Variants in ADGRD1 observed in about 807,000 individuals in gnomAD.
The protein encoded by ADGRD1 is adhesion G protein-coupled receptor D1.
A neutral mutation model predicts 113.4 loss-of-function variants in ADGRD1; 77 were observed. The observed-to-expected ratio is 0.68, with a 90% CI of 0.57 to 0.82. The LOEUF is 0.82. ADGRD1 is among the 40% of genes least tolerant of loss of function. The pLI, the probability that ADGRD1 is intolerant of heterozygous loss-of-function variation, is 0.00. For missense variants in ADGRD1, 1,036 were observed against 1,139.1 expected, an observed-to-expected ratio of 0.91 and a Z score of 1.30; for synonymous variants, 474 against 475.0, an observed-to-expected ratio of 1.00 and a Z score of 0.03.
Position 131,139,772 on chromosome 12 carries a change from C to T in ADGRD1, c.*509C>T, listed in dbSNP as rs1169853873. On this transcript the variant is annotated 3_prime_UTR_variant, in exon 25 of 25. Transcript: ENST00000261654. ...GCGGAGTCCCCAGTGTCTGAATCCACTGAGTGGTGAGTTCCCCACAGCCGG... is the reference window on the plus strand; with the variant it reads ...GCGGAGTCCCCAGTGTCTGAATCCATTGAGTGGTGAGTTCCCCACAGCCGG... 1 of 153,680 alleles carries T rather than the reference C, an allele frequency of 6.5e-6. No homozygotes were observed. The highest frequency in any genetic ancestry group is 1.4e-5 in the Non-Finnish European group (1 of 69,056). The allele number at this position is 153,680 out of a possible 1,614,324, so 9.5% of individuals were successfully genotyped here. A position where few individuals can be genotyped will look rare whatever the true frequency, so the allele number is the denominator to read the frequency against.
At chr12:131,127,813 GGTGTTGGTT>G (rs1234864942) in intron 20 of ADGRD1, among the ~76,000 whole-genome samples, 1 of 141,472 alleles carries the variant, frequency 7.1e-6, no homozygotes, top group Non-Finnish European at 1.5e-5. Flanking sequence ...GCTCAGGTGA[GGTGTTGGTT>G]GTGTTGGTTG....
chr12:131,077,472 A>G (rs764101669), intron 14 of ADGRD1, among the ~76,000 whole-genome samples: 25 of 152,052 alleles, frequency 1.6e-4, no homozygotes, highest in Non-Finnish European at 3.2e-4. Context: ...GCTCGCCTCC[A>G]CGGCTCACCT....
At chr12:131,122,544 C>T (rs937550802) in intron 20 of ADGRD1, among the ~76,000 whole-genome samples, 2 of 151,786 alleles carry the variant, frequency 1.3e-5, no homozygotes, top group African/African-American at 4.9e-5. Flanking sequence ...TGCCAACCAA[C>T]ATGCAAAAAC....
At chr12:131,014,450 G>A (rs1195923) in intron 13 of ADGRD1, 110 bp downstream of exon 13, 546,898 of 992,708 alleles carry the variant, frequency 0.55, 154,958 homozygotes, top group East Asian at 0.78. Flanking sequence ...CCTTGGTGCC[G>A]GCCCGAACTG....
At chr12:131,126,553 GTTTA>G (rs1950741651) in intron 20 of ADGRD1, among the ~76,000 whole-genome samples, 1 of 152,188 alleles carries the variant, frequency 6.6e-6, no homozygotes, top group Non-Finnish European at 1.5e-5. Flanking sequence ...CCAGCTCAGT[GTTTA>G]TTCACAAATC....
In ADGRD1 at chr12:131,027,386, T is replaced by C. The variant is rs1024991748; in HGVS notation, c.1473+13046T>C. 1.3e-5 allele frequency: 2 copies of C among 152,180 alleles called. No homozygotes were observed. Among genetic ancestry groups the C allele is most frequent in the African/African-American group, 4.8e-5 (2 of 41,442 alleles). 9.4% of individuals were successfully genotyped at this position (152,180 alleles called of 1,614,324 possible). A position where few individuals can be genotyped will look rare whatever the true frequency, so the allele number is the denominator to read the frequency against. ...GCAGCTTCAGTTTTTAAATTTACCA[T>C]GTCTATATTTCCGTGCCAGTAGCTC... On this transcript the variant is annotated intron_variant, in intron 13 of 24. Coordinates refer to ENST00000261654, the MANE Select transcript of ADGRD1 (RefSeq NM_198827.5). The surrounding 1 kb of genome is among the most constrained non-coding windows in gnomAD (Gnocchi z 5.1).
intron 2 of ADGRD1, chr12:130,956,241 C>T (rs896884833): frequency 6.6e-6 from 1 of 152,296 alleles, no homozygotes; most frequent in Non-Finnish European, 1.5e-5. Context: ...GTGCCCTCAG[C>T]CTCTGTCTCC....
intron 13 of ADGRD1, among the ~76,000 whole-genome samples, chr12:131,031,068 G>C (rs1157326323): frequency 6.6e-6 from 1 of 152,176 alleles, no homozygotes; most frequent in African/African-American, 2.4e-5. Context: ...CGCAGGAAGG[G>C]CAACACCTCA....
At chr12:131,102,252 G>A (rs920619575) in intron 15 of ADGRD1, among the ~76,000 whole-genome samples, 5 of 152,190 alleles carry the variant, frequency 3.3e-5, no homozygotes, top group African/African-American at 7.2e-5. Flanking sequence ...CACCCACCGC[G>A]GCTATGCGAT....
Position 130,954,616 on chromosome 12 carries a change from G to A in ADGRD1, c.67-8G>A, listed in dbSNP as rs528913318. ...AGTGTGTCTCACACTGTGGTCTTTTGTGCGCAGGTGCGTGGCGTCTACTCC... is the reference window on the plus strand; with the variant it reads ...AGTGTGTCTCACACTGTGGTCTTTTATGCGCAGGTGCGTGGCGTCTACTCC... On this transcript the variant is annotated splice_region_variant and splice_polypyrimidine_tract_variant and intron_variant, in intron 1 of 24. Coordinates refer to ENST00000261654, the MANE Select transcript of ADGRD1 (RefSeq NM_198827.5). This position sits in a 1 kb window ranked among gnomAD's most constrained non-coding sequence, Gnocchi z 4.7. 6.2e-6 allele frequency: 10 copies of A among 1,613,994 alleles called. No individual in the cohort carries two copies. The South Asian group carries it at 1.1e-4, about 18-fold the overall frequency.
intron 14 of ADGRD1, among the ~76,000 whole-genome samples, chr12:131,077,842 A>G (rs1305465733): frequency 7.9e-5 from 12 of 152,160 alleles, no homozygotes; most frequent in Admixed American, 7.9e-4. Context: ...GGCTCAAGCA[A>G]TCCTTCCGCC....
At chr12:131,051,678 G>A (rs1410273836) in intron 13 of ADGRD1, among the ~76,000 whole-genome samples, 1 of 152,068 alleles carries the variant, frequency 6.6e-6, no homozygotes, top group Non-Finnish European at 1.5e-5. Context: ...TAGAGGCGGG[G>A]TTTTACCATG....
chr12:131,036,096 A>G (rs1013251481), intron 13 of ADGRD1, among the ~76,000 whole-genome samples: 79 of 152,156 alleles, frequency 5.2e-4, no homozygotes, highest in Admixed American at 2.4e-3. Context: ...GCCCCTTTAT[A>G]TCAGGCCCCT....
intron 19 of ADGRD1, 124 bp downstream of exon 19, chr12:131,118,575 C>A: frequency 1.5e-6 from 1 of 654,352 alleles, no homozygotes; most frequent in South Asian, 2.2e-5. Context: ...AGCTGGCTCC[C>A]ACAGGCCCAG....
intron 13 of ADGRD1, among the ~76,000 whole-genome samples, chr12:131,059,424 G>T (rs1884135502): frequency 6.6e-6 from 1 of 152,138 alleles, no homozygotes; most frequent in Non-Finnish European, 1.5e-5. Context: ...TAAGTGATCT[G>T]CCCCCCTCGG....
At chr12:131,087,054 T>C (rs1886516370) in intron 15 of ADGRD1, among the ~76,000 whole-genome samples, 1 of 152,114 alleles carries the variant, frequency 6.6e-6, no homozygotes, top group Admixed American at 6.5e-5. Context: ...TACAGGCACA[T>C]GCCACAACGC....
chr12:131,058,544 A>AT (rs1884066756), intron 13 of ADGRD1, among the ~76,000 whole-genome samples: 1 of 152,076 alleles, frequency 6.6e-6, no homozygotes, highest in African/African-American at 2.4e-5. Context: ...TACTTTAGAC[A>AT]TTTTTTATGT....
At chr12:131,043,444 C>A (rs1013537520) in intron 13 of ADGRD1, among the ~76,000 whole-genome samples, 12 of 152,224 alleles carry the variant, frequency 7.9e-5, no homozygotes, top group African/African-American at 2.7e-4. Flanking sequence ...CTCCAGCAGC[C>A]ACGCTCACTG....
rs376151255 is a variant in ADGRD1, at chr12:131,139,293, C to T, written c.*30C>T. The T allele has an allele frequency of 2.3e-4, 343 of 1,480,372 alleles. No individual in the cohort carries two copies. In the African/African-American group the frequency reaches 3.5e-3, roughly 15 times the overall value. 91.7% of individuals were successfully genotyped at this position (1,480,372 alleles called of 1,614,324 possible). A position where few individuals can be genotyped will look rare whatever the true frequency, so the allele number is the denominator to read the frequency against. ...GGAGGCTGCCAACCAGGCCAGGCTG[C>T]GCTCAGAACACACCCCCCCAAACAG... On this transcript the variant is annotated 3_prime_UTR_variant, in exon 25 of 25. Transcript: ENST00000261654.
Sources: gnomAD v4.1 joint callset for allele counts (sites outside exome capture counted in the v4.1 genomes callset) on GRCh38, gnomAD v4.1.1 for gene constraint, Gnocchi (gnomAD v3.1) non-coding constraint, MANE v1.5 for transcripts, NCBI Gene and HGNC (gene_info 2026-07-23, HGNC 2026-07-21) for gene names.